PTBP3: variants seen among roughly 807,000 people sequenced by gnomAD.
PTBP3 encodes polypyrimidine tract binding protein 3, also known as polypyrimidine tract-binding protein 3.
Under a neutral mutation model 58.7 loss-of-function variants are expected in PTBP3, and 20 were observed. The ratio of observed to expected loss-of-function variants is 0.34; its 90% confidence interval spans 0.24 to 0.50. The LOEUF is 0.50. PTBP3 is among the 20% of genes least tolerant of loss of function. The pLI is 0.98. For missense variants in PTBP3, 509 were observed against 637.2 expected (o/e 0.80, Z 2.17); for synonymous variants, 185 against 219.8 (o/e 0.84, Z 1.40).
chr9:112,333,414 G>C (rs1431724843), intron 1 of PTBP3, 56 bp downstream of exon 1: 22 of 1,553,216 alleles, frequency 1.4e-5, no homozygotes, highest in Non-Finnish European at 1.8e-5. Context: ...GCGGAGAGCC[G>C]GGTGGAAGCG....
At chr9:112,245,346 G>C (rs1261146183) in intron 7 of PTBP3, among the ~76,000 whole-genome samples, 1 of 151,484 alleles carries the variant, frequency 6.6e-6, no homozygotes, top group Non-Finnish European at 1.5e-5. Flanking sequence ...AGTAGTATGT[G>C]TTTGCAATTC....
chr9:112,339,859 C>G, the PTBP3 span, among the ~76,000 whole-genome samples: 1 of 152,164 alleles, frequency 6.6e-6, no homozygotes. Context: ...AGACACCATG[C>G]CCTGCCTGCC....
intron 7 of PTBP3, among the ~76,000 whole-genome samples, chr9:112,240,010 G>C (rs1331050278): frequency 6.6e-6 from 1 of 152,040 alleles, no homozygotes; most frequent in African/African-American, 2.4e-5. Context: ...ATAACAAGTG[G>C]AACGATCTGG....
the PTBP3 span, chr9:112,379,840 C>G: frequency 2.8e-5 from 14 of 507,350 alleles, no homozygotes; most frequent in African/African-American, 6.2e-5. Flanking sequence ...GCTGCCCAGA[C>G]GCTAGGCGCC....
chr9:112,330,544 A>G, intron 1 of PTBP3: 2 of 1,063,416 alleles, frequency 1.9e-6, no homozygotes, highest in Admixed American at 2.4e-5. Context: ...AGACAGAGAT[A>G]GTAAGAATAA....
At chr9:112,376,923 A>C in the PTBP3 span, among the ~76,000 whole-genome samples, 2 of 152,164 alleles carry the variant, frequency 1.3e-5, no homozygotes, top group African/African-American at 4.8e-5. Context: ...ATTAACCATC[A>C]CAAGCCCTAT....
intron 3 of PTBP3, among the ~76,000 whole-genome samples, chr9:112,268,583 C>A (rs1258153720): frequency 2.0e-5 from 3 of 146,854 alleles, no homozygotes; most frequent in African/African-American, 7.5e-5. Context: ...GTGGTCCCAG[C>A]TACTTGGGGT....
chr9:112,237,769 A>T (rs2132010571), intron 7 of PTBP3, among the ~76,000 whole-genome samples: 1 of 152,236 alleles, frequency 6.6e-6, no homozygotes, highest in South Asian at 2.1e-4. Flanking sequence ...TAACCTATTA[A>T]TATAAGCTGA....
intron 2 of PTBP3, among the ~76,000 whole-genome samples, chr9:112,295,287 A>G (rs1222174637): frequency 6.6e-6 from 1 of 151,984 alleles, no homozygotes; most frequent in East Asian, 1.9e-4. Flanking sequence ...CTCACATGAA[A>G]AGTCTAAATG....
intron 10 of PTBP3, among the ~76,000 whole-genome samples, chr9:112,229,498 G>C (rs1835119494): frequency 6.6e-6 from 1 of 150,832 alleles, no homozygotes; most frequent in Non-Finnish European, 1.5e-5. Flanking sequence ...CTGGGAGGTA[G>C]AGGTTGCAGT....
At chr9:112,296,835 T>A (rs1426376484) in intron 2 of PTBP3, among the ~76,000 whole-genome samples, 4 of 152,156 alleles carry the variant, frequency 2.6e-5, no homozygotes, top group Non-Finnish European at 5.9e-5. Flanking sequence ...TAAGTCCAAG[T>A]TCAAAACCTG....
chr9:112,334,006 C>G (rs1830507489), upstream of PTBP3, among the ~76,000 whole-genome samples: 1 of 151,770 alleles, frequency 6.6e-6, no homozygotes, highest in Admixed American at 6.5e-5. Context: ...GAATGCCTCC[C>G]TCTGCCGGCA....
intron 1 of PTBP3, among the ~76,000 whole-genome samples, chr9:112,327,565 A>C (rs1830208835): frequency 6.6e-6 from 1 of 152,254 alleles, no homozygotes; most frequent in South Asian, 2.1e-4. Context: ...CCGTCTCAAA[A>C]AAAGTACATG....
At chr9:112,247,552 C>CA (rs55882131) in intron 7 of PTBP3, among the ~76,000 whole-genome samples, 2,003 of 138,078 alleles carry the variant, frequency 0.015, 32 homozygotes, top group African/African-American at 0.039. Context: ...AAAAAAATGA[C>CA]AAAAAAAAAA....
the PTBP3 span, among the ~76,000 whole-genome samples, chr9:112,361,472 G>A: frequency 6.6e-6 from 1 of 152,062 alleles, no homozygotes; most frequent in Admixed American, 6.6e-5. Context: ...TTTTGAAAAC[G>A]TTAATAATAT....
intron 1 of PTBP3, among the ~76,000 whole-genome samples, chr9:112,311,796 T>G (rs970158708): frequency 2.0e-5 from 3 of 152,070 alleles, no homozygotes; most frequent in Admixed American, 6.6e-5. Flanking sequence ...AACGGTTTTT[T>G]AATTAGCCGG....
At chr9:112,320,052 C>T (rs754325986) in intron 1 of PTBP3, among the ~76,000 whole-genome samples, 4 of 151,844 alleles carry the variant, frequency 2.6e-5, no homozygotes, top group Non-Finnish European at 5.9e-5. Context: ...GTCAAGGATA[C>T]AAAATTTCAG....
chr9:112,262,341 A>C lies in PTBP3; in HGVS notation c.516+94T>G. 6 of 1,071,502 alleles carry C rather than the reference A, an allele frequency of 5.6e-6. No individual in the cohort carries two copies. The South Asian group carries it at 1.3e-4, about 23-fold the overall frequency. The allele number at this position is 1,071,502 out of a possible 1,614,324, so 66.4% of individuals were successfully genotyped here. On this transcript the variant is annotated intron_variant, in intron 5 of 13. Coordinates refer to ENST00000374257, the MANE Select transcript of PTBP3 (RefSeq NM_001163788.4). The stretch of plus-strand genomic sequence containing the variant: ...CATTATTTAAACAAATATATCAACA[A>C]AACCAATAAGCTAAACAACTTAGAT...
the PTBP3 span, among the ~76,000 whole-genome samples, chr9:112,340,162 G>C: frequency 6.6e-6 from 1 of 152,024 alleles, no homozygotes; most frequent in East Asian, 1.9e-4. Flanking sequence ...TTAGCAACCA[G>C]AACAATGCCT....
Sources: gnomAD v4.1 joint callset for allele counts (sites outside exome capture counted in the v4.1 genomes callset) on GRCh38, gnomAD v4.1.1 for gene constraint, MANE v1.5 for transcripts, NCBI Gene and HGNC (gene_info 2026-07-23, HGNC 2026-07-21) for gene names.